The following ARHGEF3 variants were observed in gnomAD, a reference collection of about 807,000 sequenced individuals.
ARHGEF3 encodes the protein 59.8 kDA protein.
In ARHGEF3, 28 loss-of-function variants were observed where a neutral mutation model predicts 63.2. The ratio of observed to expected loss-of-function variants is 0.44; its 90% CI spans 0.33 to 0.61. The LOEUF (loss-of-function observed/expected upper bound fraction) is 0.61. Among genes scored for constraint, ARHGEF3 ranks in the 20% least tolerant of loss-of-function variants. The probability of loss-of-function intolerance (pLI) is 0.03; values close to 1 mark genes in which losing one functional copy is unlikely to be tolerated. For synonymous variants in ARHGEF3, 266 were observed against 254.2 expected, an observed-to-expected ratio of 1.05 and a Z score of -0.44; for missense variants, 533 against 659.3, an observed-to-expected ratio of 0.81 and a Z score of 2.10.
At chr3:56,839,419 TGTG>T (rs2039236999) in intron 4 of ARHGEF3, among the ~76,000 whole-genome samples, 1 of 152,154 alleles carries the variant, frequency 6.6e-6, no homozygotes, top group African/African-American at 2.4e-5. Flanking sequence ...AAGAAGACTG[TGTG>T]GTGAAGTCCA....
At chr3:56,862,036 A>G (rs1374263116) in intron 4 of ARHGEF3, among the ~76,000 whole-genome samples, 1 of 152,150 alleles carries the variant, frequency 6.6e-6, no homozygotes, top group East Asian at 1.9e-4. Context: ...AATCTGCTAC[A>G]AAGGCAAAAA....
intron 1 of ARHGEF3, among the ~76,000 whole-genome samples, chr3:57,069,376 A>AACACACAC (rs147675971): frequency 0.026 from 3,762 of 146,426 alleles, 55 homozygotes; most frequent in African/African-American, 0.039. Flanking sequence ...CTGTCTCTCA[A>AACACACAC]ACACACACAC....
chr3:57,013,500 A>G lies in ARHGEF3; in HGVS notation c.62+21588T>C, dbSNP rs948750947. On this transcript the variant is annotated intron_variant, in intron 2 of 12. Transcript: ENST00000338458. ...TTTTATGTCTAGCTAGAGGATTGTA[A>G]ATGCACCAATCAGCATTCTGTGTCT... 6.6e-5 allele frequency among the ~76,000 whole-genome samples: 10 copies of G among 152,032 alleles called. No individual in the cohort carries two copies. The East Asian group carries it at 1.9e-3, about 29-fold the overall frequency.
rs369009900 is a variant in ARHGEF3 at position 56,745,168 on chromosome 3, A to G, written c.870+37T>C. 20 of 1,592,458 alleles carry G rather than the reference A, an allele frequency of 1.3e-5. No homozygotes were observed. The East Asian group carries it at 3.6e-4, about 29-fold the overall frequency. ...CAATCCACCAGCCATTATGGTGGAA[A>G]TAACAAGAAGAGAGAGAAGGAAACA... On this transcript the variant is annotated intron_variant, in intron 7 of 9. Coordinates refer to ENST00000296315, the MANE Select transcript of ARHGEF3 (RefSeq NM_019555.3).
intron 9 of ARHGEF3, among the ~76,000 whole-genome samples, chr3:56,730,343 TAA>T (rs375084267): frequency 2.0e-5 from 3 of 149,178 alleles, no homozygotes; most frequent in Non-Finnish European, 4.5e-5. Flanking sequence ...CATCTGCATT[TAA>T]AAAAAAATGG....
intron 3 of ARHGEF3, among the ~76,000 whole-genome samples, chr3:56,917,989 T>G (rs1203555488): frequency 2.6e-5 from 4 of 152,196 alleles, no homozygotes; most frequent in Non-Finnish European, 5.9e-5. Context: ...GAGGTGGGTT[T>G]CAGATTGTCC....
At chr3:56,971,137 T>C (rs924562072) in intron 2 of ARHGEF3, among the ~76,000 whole-genome samples, 2 of 152,134 alleles carry the variant, frequency 1.3e-5, no homozygotes, top group Admixed American at 6.5e-5. Flanking sequence ...AATGAATTCA[T>C]GGTGCGGCCC....
At chr3:56,939,893 T>TC (rs1049551777) in intron 3 of ARHGEF3, 49 of 152,224 alleles carry the variant, frequency 3.2e-4, no homozygotes, top group African/African-American at 1.1e-3. Flanking sequence ...CTGCCCCTTC[T>TC]CCCCCATTGT....
At chr3:56,795,653 C>CTTTTTTTT (rs1324495358) in intron 1 of ARHGEF3, among the ~76,000 whole-genome samples, 1 of 69,266 alleles carries the variant, frequency 1.4e-5, no homozygotes, top group African/African-American at 8.4e-5. Flanking sequence ...CAGTCTCTCT[C>CTTTTTTTT]TCTTTTTTTT....
intron 2 of ARHGEF3, among the ~76,000 whole-genome samples, chr3:57,006,021 T>TA (rs1326580311): frequency 1.3e-5 from 2 of 152,218 alleles, no homozygotes; most frequent in East Asian, 3.8e-4. Flanking sequence ...AACTTACCTG[T>TA]AACACTGCAC....
At chr3:57,066,515 G>A (rs939320196) in intron 1 of ARHGEF3, among the ~76,000 whole-genome samples, 32 of 152,128 alleles carry the variant, frequency 2.1e-4, no homozygotes, top group African/African-American at 7.2e-4. Context: ...CATCCGCCTC[G>A]GCCTCCCAAA....
chr3:56,797,869 C>A (rs778165420), intron 1 of ARHGEF3, among the ~76,000 whole-genome samples: 2 of 152,156 alleles, frequency 1.3e-5, no homozygotes, highest in African/African-American at 2.4e-5. Flanking sequence ...CACCTTTTAT[C>A]CCACAAAGGT....
At chr3:56,936,142 G>C (rs186636121) in intron 3 of ARHGEF3, among the ~76,000 whole-genome samples, 31 of 152,268 alleles carry the variant, frequency 2.0e-4, no homozygotes, top group African/African-American at 7.2e-4. Context: ...GGGAACCTGA[G>C]ACTATGCCAT....
intron 3 of ARHGEF3, among the ~76,000 whole-genome samples, chr3:56,901,879 ATTG>A (rs2041522068): frequency 6.6e-6 from 1 of 152,148 alleles, no homozygotes; most frequent in South Asian, 2.1e-4. Context: ...TTTAATACAT[ATTG>A]TTGATTCAGT....
At chr3:57,053,003 C>G (rs1260161094) in intron 1 of ARHGEF3, among the ~76,000 whole-genome samples, 1 of 152,182 alleles carries the variant, frequency 6.6e-6, no homozygotes, top group Non-Finnish European at 1.5e-5. Context: ...CCCAGGCAAA[C>G]AGAAGCAGAT....
chr3:56,787,959 TG>T (rs1215035671), intron 1 of ARHGEF3, among the ~76,000 whole-genome samples: 1 of 152,150 alleles, frequency 6.6e-6, no homozygotes, highest in Non-Finnish European at 1.5e-5. Context: ...ACCACAGCAT[TG>T]TTAGTTTCCT....
intron 1 of ARHGEF3, among the ~76,000 whole-genome samples, chr3:56,780,266 T>G (rs888674892): frequency 7.9e-5 from 12 of 152,222 alleles, no homozygotes; most frequent in African/African-American, 2.9e-4. Flanking sequence ...CTAAAGATTA[T>G]TCCCCCTGCC....
At chr3:57,031,802 G>C (rs946892719) in intron 2 of ARHGEF3, among the ~76,000 whole-genome samples, 1 of 152,192 alleles carries the variant, frequency 6.6e-6, no homozygotes, top group African/African-American at 2.4e-5. Flanking sequence ...AATTGCACAA[G>C]AGGTAGCTGT....
At chr3:56,767,548 C>T (rs1481311072) in intron 2 of ARHGEF3, among the ~76,000 whole-genome samples, 1 of 129,940 alleles carries the variant, frequency 7.7e-6, no homozygotes, top group Non-Finnish European at 1.5e-5. Context: ...TGCGCCACTG[C>T]ACTCCAGCCT....
Sources: allele counts gnomAD v4.1 joint callset (sites outside exome capture counted in the v4.1 genomes callset), GRCh38; gene constraint gnomAD v4.1.1; transcripts MANE v1.5; gene names NCBI Gene and HGNC (gene_info 2026-07-23, HGNC 2026-07-21).